The following LRRC2 variants were observed in gnomAD, a reference collection of about 807,000 sequenced individuals.
LRRC2 encodes leucine-rich repeat-containing protein 2.
In LRRC2, 27 loss-of-function variants were observed where a neutral mutation model predicts 40.2. The ratio of observed to expected loss-of-function variants is 0.67; its 90% CI spans 0.49 to 0.93. The LOEUF (loss-of-function observed/expected upper bound fraction) is 0.93, where lower values mean the gene tolerates loss of function less well. Among genes scored for constraint, LRRC2 ranks in the 40% least tolerant of loss-of-function variants. The pLI is 0.00. For missense variants in LRRC2, 402 were observed against 439.6 expected (o/e 0.91, Z 0.76); for synonymous variants, 147 against 158.9 (o/e 0.92, Z 0.56).
At chr3:46,539,747 G>A (rs1355735868) in intron 3 of LRRC2, among the ~76,000 whole-genome samples, 1 of 152,216 alleles carries the variant, frequency 6.6e-6, no homozygotes, top group Non-Finnish European at 1.5e-5. Context: ...ACCTCCCTGG[G>A]TCTCCACTGC....
chr3:46,536,445 C>A (rs1046482195), intron 4 of LRRC2, among the ~76,000 whole-genome samples: 7 of 152,148 alleles, frequency 4.6e-5, no homozygotes, highest in Non-Finnish European at 8.8e-5. Flanking sequence ...CTATTATCCC[C>A]ACTTTACGGA....
chr3:46,551,565 G>A lies in LRRC2; in HGVS notation c.27C>T (p.Asp9=). Residue 9 remains aspartate, a synonymous_variant, in exon 2 of 9, where the codon GAC becomes GAT. Transcript: ENST00000395905. MGHKVVVF[D]ISVIRALWET... ...CCCACAAGGCTCTGATGACAGAAATGTCGAAGACAACCACTTTATGTCCCA... is the reference window on the plus strand; with the variant it reads ...CCCACAAGGCTCTGATGACAGAAATATCGAAGACAACCACTTTATGTCCCA... The A allele has an allele frequency of 6.2e-7, 1 of 1,613,652 alleles. No individual in the cohort carries two copies. Among genetic ancestry groups the A allele is most frequent in the Non-Finnish European group, 8.5e-7 (1 of 1,179,842 alleles).
In LRRC2 at chr3:46,529,387, G is replaced by C. The variant is rs118120660; in HGVS notation, c.773+518C>G. ...TGCCCAGGAGTTTGAGACCAGCCTG[G>C]GAAACAAAGCAAGACCCTGTCTGAA... On this transcript the variant is annotated intron_variant, in intron 6 of 8. Coordinates refer to ENST00000395905, the MANE Select transcript of LRRC2 (RefSeq NM_024512.5). Among the ~76,000 whole-genome samples the C allele has an allele frequency of 3.3e-4, 50 of 151,792 alleles. 3 individuals are homozygous for C. The East Asian group carries it at 9.7e-3, about 29-fold the overall frequency.
chr3:46,521,445 A>T, intron 8 of LRRC2, 77 bp downstream of exon 8: 1 of 1,193,938 alleles, frequency 8.4e-7, no homozygotes. Flanking sequence ...TGTCAATTTG[A>T]CTTCTATTAA....
At chr3:46,562,572 G>T (rs1704968086) in intron 1 of LRRC2, among the ~76,000 whole-genome samples, 1 of 152,124 alleles carries the variant, frequency 6.6e-6, no homozygotes, top group Non-Finnish European at 1.5e-5. Flanking sequence ...TGCATGTTCA[G>T]CTGCCTCCTT....
intron 1 of LRRC2, among the ~76,000 whole-genome samples, chr3:46,560,755 GTC>G (rs1704920580): frequency 1.3e-5 from 2 of 152,174 alleles, no homozygotes; most frequent in Admixed American, 1.3e-4. Flanking sequence ...GGGCTACACT[GTC>G]CACAGTCACA....
chr3:46,560,267 G>A (rs942970568), intron 1 of LRRC2, among the ~76,000 whole-genome samples: 1 of 152,200 alleles, frequency 6.6e-6, no homozygotes, highest in African/African-American at 2.4e-5. Flanking sequence ...ACCACACTGG[G>A]GAGCCCATAG....
intron 1 of LRRC2, chr3:46,558,638 G>C (rs1325726377): frequency 6.6e-6 from 1 of 152,258 alleles, no homozygotes; most frequent in African/African-American, 2.4e-5. Flanking sequence ...CCCTCTCTGT[G>C]ATCTCCCTGG....
chr3:46,543,595 G>A (rs987724400), intron 3 of LRRC2, among the ~76,000 whole-genome samples: 1 of 147,814 alleles, frequency 6.8e-6, no homozygotes, highest in Non-Finnish European at 1.5e-5. Context: ...CAGCCTGGGT[G>A]ACAGAGCGAG....
chr3:46,521,530 TTA>T lies in LRRC2; in HGVS notation c.1056_1057del (p.Lys353ArgfsTer15). The T allele has an allele frequency of 6.2e-7, 1 of 1,605,178 alleles. No homozygotes were observed. Among genetic ancestry groups the T allele is most frequent in the Non-Finnish European group, 8.5e-7 (1 of 1,175,604 alleles). ...AAATATGAGTAACCCACCTCTTTCT[TTA>T]AGGTCTTCAATATAGGCTTTCATAA... On this transcript the variant is annotated frameshift_variant, in exon 8 of 9. Coordinates refer to ENST00000395905, the MANE Select transcript of LRRC2 (RefSeq NM_024512.5). LOFTEE classifies it high-confidence loss of function.
At chr3:46,560,635 T>A (rs1237872650) in intron 1 of LRRC2, among the ~76,000 whole-genome samples, 2 of 152,210 alleles carry the variant, frequency 1.3e-5, no homozygotes, top group African/African-American at 4.8e-5. Context: ...CTCGTTGAAT[T>A]TGACAGCAAA....
intron 4 of LRRC2, among the ~76,000 whole-genome samples, chr3:46,537,665 A>G (rs1704295681): frequency 6.6e-6 from 1 of 152,220 alleles, no homozygotes; most frequent in South Asian, 2.1e-4. Flanking sequence ...AGTCATAGAA[A>G]TTCTAAGGTC....
intron 1 of LRRC2, among the ~76,000 whole-genome samples, chr3:46,559,975 A>G (rs183718717): frequency 8.5e-4 from 129 of 151,842 alleles, no homozygotes; most frequent in African/African-American, 3.1e-3. Flanking sequence ...ACTGGAGACT[A>G]AGAACAGTAG....
chr3:46,534,369 T>C lies in LRRC2; in HGVS notation c.491-1460A>G, dbSNP rs192132214. 2.8e-3 allele frequency among the ~76,000 whole-genome samples: 419 copies of C among 152,298 alleles called. 1 individual carries two copies. The highest frequency in any genetic ancestry group is 9.4e-3 in the African/African-American group (391 of 41,570). ...GGTTCCAAGTCTTTACTATTGTAAA[T>C]AGTGCTGCTCTTTTCTTTTTTGTTT... On this transcript the variant is annotated intron_variant, in intron 4 of 8. Coordinates refer to ENST00000395905, the MANE Select transcript of LRRC2 (RefSeq NM_024512.5).
chr3:46,521,958 C>A (rs897983798), intron 7 of LRRC2, among the ~76,000 whole-genome samples: 21 of 152,312 alleles, frequency 1.4e-4, no homozygotes, highest in African/African-American at 5.1e-4. Flanking sequence ...TCAGGCAGAT[C>A]CTCACAGCTG....
chr3:46,529,892 T>G lies in LRRC2; in HGVS notation c.773+13A>C, dbSNP rs1559410357. 1 of 1,613,932 alleles carries G rather than the reference T, an allele frequency of 6.2e-7. No individual in the cohort carries two copies. The highest frequency in any genetic ancestry group is 8.5e-7 in the Non-Finnish European group (1 of 1,179,926). On this transcript the variant is annotated intron_variant, in intron 6 of 8. Transcript: ENST00000395905. Reference sequence around the variant, plus strand: ...CTAATACATACACCTCACCTTAGAATGCAAGTAGCTACCTGTCTATATCTT... The same window carrying G: ...CTAATACATACACCTCACCTTAGAAGGCAAGTAGCTACCTGTCTATATCTT...
At chr3:46,533,746 C>CTTCCTTCA (rs1553612485) in intron 4 of LRRC2, among the ~76,000 whole-genome samples, 1 of 128,274 alleles carries the variant, frequency 7.8e-6, no homozygotes, top group Admixed American at 8.1e-5. Flanking sequence ...TCCTTCCTTC[C>CTTCCTTCA]TTCTTCCTTC....
intron 7 of LRRC2, among the ~76,000 whole-genome samples, chr3:46,525,245 T>G (rs1362893318): frequency 7.4e-6 from 1 of 135,928 alleles, no homozygotes; most frequent in African/African-American, 2.6e-5. Context: ...CATGCCACCA[T>G]GCCAGGCCTT....
chr3:46,520,598 G>A (rs1703947427), intron 8 of LRRC2, among the ~76,000 whole-genome samples: 1 of 152,170 alleles, frequency 6.6e-6, no homozygotes, highest in African/African-American at 2.4e-5. Context: ...ATCTGAATGT[G>A]ACTAATCGTC....
Sources: gnomAD v4.1 joint callset for allele counts (sites outside exome capture counted in the v4.1 genomes callset) on GRCh38, gnomAD v4.1.1 for gene constraint, MANE v1.5 for transcripts, NCBI Gene and HGNC (gene_info 2026-07-23, HGNC 2026-07-21) for gene names.